The following DIP2C variants were observed in gnomAD, a reference collection of about 807,000 sequenced individuals.
DIP2C encodes the protein disco-interacting protein 2 homolog C.
In DIP2C, 33 loss-of-function variants were observed where a neutral mutation model predicts 192.4. The ratio of observed to expected loss-of-function variants is 0.17; its 90% CI spans 0.13 to 0.23. DIP2C has a LOEUF of 0.23. Among genes scored for constraint, DIP2C ranks in the 10% least tolerant of loss-of-function variants. The pLI, the probability that DIP2C is intolerant of heterozygous loss-of-function variation, is 1.00. For missense variants in DIP2C, 1,537 were observed against 2,110.1 expected, an observed-to-expected ratio of 0.73 and a Z score of 5.32; for synonymous variants, 979 against 864.1, an observed-to-expected ratio of 1.13 and a Z score of -2.33.
At chr10:330,860 T>C (rs554077657) in intron 29 of DIP2C, among the ~76,000 whole-genome samples, 59 of 148,840 alleles carry the variant, frequency 4.0e-4, no homozygotes, top group African/African-American at 1.4e-3. Flanking sequence ...TCACCCAGAC[T>C]GGAGTGCAGT....
chr10:581,460 GTTTT>G (rs766523127), intron 1 of DIP2C, among the ~76,000 whole-genome samples: 2 of 151,550 alleles, frequency 1.3e-5, no homozygotes, highest in Non-Finnish European at 2.9e-5. Context: ...GTACTTAGAG[GTTTT>G]TTTTAAAGTT....
intron 1 of DIP2C, among the ~76,000 whole-genome samples, chr10:635,041 T>C (rs1371634857): frequency 6.6e-6 from 1 of 152,124 alleles, no homozygotes; most frequent in Non-Finnish European, 1.5e-5. Context: ...ACTCCTCCTG[T>C]GGAATCAGCC....
rs568038437 is a variant in DIP2C, at chr10:570,264, T to C, written c.86-83734A>G. ...AGATCATCTCATTTAAACTTCACAGTGTCACAAGGTGGATTTTGTCGTGCC... is the reference window on the plus strand; with the variant it reads ...AGATCATCTCATTTAAACTTCACAGCGTCACAAGGTGGATTTTGTCGTGCC... On this transcript the variant is annotated intron_variant, in intron 1 of 36. Transcript: ENST00000280886. Among the ~76,000 whole-genome samples the C allele has an allele frequency of 5.5e-4, 83 of 152,170 alleles. 2 individuals are homozygous for C. The South Asian group carries it at 0.012, about 21-fold the overall frequency.
chr10:480,051 G>A (rs1338059216), intron 2 of DIP2C, among the ~76,000 whole-genome samples: 2 of 149,056 alleles, frequency 1.3e-5, no homozygotes, highest in African/African-American at 2.5e-5. Context: ...CTGAGACCCG[G>A]TTCACGCTCA....
At chr10:650,012 C>A in intron 1 of DIP2C, 1 of 657,686 alleles carries the variant, frequency 1.5e-6, no homozygotes, top group Non-Finnish European at 2.8e-6. Context: ...ATCAACAATT[C>A]CTTATTAGGA....
chr10:414,005 G>T lies in DIP2C; in HGVS notation c.965C>A (p.Ala322Asp). The T allele has an allele frequency of 6.2e-7, 1 of 1,614,132 alleles. No homozygotes were observed. The highest frequency in any genetic ancestry group is 1.1e-5 in the South Asian group (1 of 91,070). The change falls in exon 8 of 37, where the codon GCC becomes GAC. Residue 322 changes from alanine to aspartate, a missense_variant. Ala to Asp is a moderately radical substitution (Grantham distance 126). Coordinates refer to ENST00000280886, the MANE Select transcript of DIP2C (RefSeq NM_014974.3). ...VVTNWPPSLE[A>D]ALQRWGTISP... ...GATGGTGCCCCACCTCTGCAGTGCG[G>T]CCTCCAGCGACGGCGGCCAGTTCGT...
At chr10:423,759 G>T (rs1272629403) in intron 4 of DIP2C, among the ~76,000 whole-genome samples, 2 of 152,060 alleles carry the variant, frequency 1.3e-5, no homozygotes, top group African/African-American at 4.8e-5. Flanking sequence ...GTTCCTTAAG[G>T]ATCAAGACAC....
At chr10:585,222 G>C (rs779617966) in intron 1 of DIP2C, among the ~76,000 whole-genome samples, 4 of 152,190 alleles carry the variant, frequency 2.6e-5, no homozygotes, top group Admixed American at 6.5e-5. Flanking sequence ...CACTGACTTC[G>C]TCAGAGCAAG....
At chr10:338,914 C>A (rs1216191497) in intron 29 of DIP2C, among the ~76,000 whole-genome samples, 4 of 151,274 alleles carry the variant, frequency 2.6e-5, no homozygotes, top group South Asian at 2.1e-4. Flanking sequence ...ACAGCCCACG[C>A]CACCTGCACC....
At chr10:409,579 G>A (rs890625969) in intron 8 of DIP2C, among the ~76,000 whole-genome samples, 17 of 152,232 alleles carry the variant, frequency 1.1e-4, no homozygotes, top group African/African-American at 2.7e-4. Context: ...CAGAAACCGC[G>A]GGGAAGGTTG....
chr10:346,679 T>C (rs1270853462), intron 26 of DIP2C, among the ~76,000 whole-genome samples: 101 of 85,388 alleles, frequency 1.2e-3, no homozygotes, highest in Non-Finnish European at 1.6e-3. Flanking sequence ...CCCGGAAACG[T>C]CACACACACC....
intron 1 of DIP2C, among the ~76,000 whole-genome samples, chr10:487,576 T>TTG (rs1564778059): frequency 8.0e-6 from 1 of 124,968 alleles, no homozygotes; most frequent in African/African-American, 3.2e-5. Context: ...TGTTTTTTTT[T>TTG]TTTTTTTTTT....
chr10:515,657 G>C (rs1037428909), intron 1 of DIP2C, among the ~76,000 whole-genome samples: 4 of 152,210 alleles, frequency 2.6e-5, no homozygotes, highest in Non-Finnish European at 4.4e-5. Flanking sequence ...CCGGGAGGCA[G>C]AGGTTGCGGT....
chr10:476,571 T>G (rs1045061667), intron 2 of DIP2C, among the ~76,000 whole-genome samples: 1 of 152,206 alleles, frequency 6.6e-6, no homozygotes, highest in Admixed American at 6.5e-5. Flanking sequence ...GATCCATGAG[T>G]GCGAGCGGCC....
intron 6 of DIP2C, among the ~76,000 whole-genome samples, 155 bp downstream of exon 6, chr10:418,910 G>A (rs1225853997): frequency 6.6e-6 from 1 of 152,214 alleles, no homozygotes; most frequent in African/African-American, 2.4e-5. Flanking sequence ...TTGTGGCTAG[G>A]CCACCTTCCA....
intron 3 of DIP2C, among the ~76,000 whole-genome samples, chr10:451,856 G>A (rs1023531581): frequency 6.6e-6 from 1 of 152,102 alleles, no homozygotes; most frequent in Non-Finnish European, 1.5e-5. Flanking sequence ...AGAAATGCGG[G>A]TTTTTTTCCA....
intron 3 of DIP2C, among the ~76,000 whole-genome samples, chr10:470,269 A>G (rs918964272): frequency 6.6e-6 from 1 of 152,196 alleles, no homozygotes; most frequent in African/African-American, 2.4e-5. Flanking sequence ...ATTGTGTGTG[A>G]AGAGGCGCCA....
At chr10:417,667 AGGG>A in intron 6 of DIP2C, among the ~76,000 whole-genome samples, 1 of 5,316 alleles carries the variant, frequency 1.9e-4, no homozygotes, top group East Asian at 0.012. Context: ...TGTTCCTGTC[AGGG>A]CTCGGATAGG....
chr10:424,223 G>C (rs918538091), intron 4 of DIP2C, among the ~76,000 whole-genome samples: 5 of 152,076 alleles, frequency 3.3e-5, no homozygotes, highest in Non-Finnish European at 7.4e-5. Context: ...TTTTTTAAAA[G>C]ATAATAATTG....
Sources: gnomAD v4.1 joint callset for allele counts (sites outside exome capture counted in the v4.1 genomes callset) on GRCh38, gnomAD v4.1.1 for gene constraint, MANE v1.5 for transcripts, NCBI Gene and HGNC (gene_info 2026-07-23, HGNC 2026-07-21) for gene names.